Variants in GRIK3 observed in about 807,000 individuals in gnomAD.
The protein encoded by GRIK3 is glutamate ionotropic receptor kainate type subunit 3.
In GRIK3, 29 loss-of-function variants were observed where a neutral mutation model predicts 102.5. That is an observed-to-expected ratio of 0.28 (90% CI 0.21 to 0.39). The LOEUF is 0.39. GRIK3 is among the 10% of genes least tolerant of loss of function. The probability of loss-of-function intolerance (pLI) is 1.00; values close to 1 mark genes in which losing one functional copy is unlikely to be tolerated. For missense variants in GRIK3, 908 were observed against 1,252.4 expected (o/e 0.73, Z 4.15); for synonymous variants, 511 against 504.9 (o/e 1.01, Z -0.16).
rs144914785 is a variant in GRIK3, at chr1:36,825,538, G to A, written c.1754+65C>T. 6.9e-5 allele frequency: 75 copies of A among 1,083,584 alleles called. 1 individual carries two copies. The African/African-American group carries it at 1.1e-3, about 16-fold the overall frequency. 67.1% of individuals were successfully genotyped at this position (1,083,584 alleles called of 1,614,324 possible). On this transcript the variant is annotated intron_variant, in intron 11 of 15. Transcript: ENST00000373091. Reference sequence around the variant, plus strand: ...TTTCTGTGCCAGGGGCTGAGGAGATGAGGACCTGCCTAACCCCTAGACCTT... The same window carrying A: ...TTTCTGTGCCAGGGGCTGAGGAGATAAGGACCTGCCTAACCCCTAGACCTT...
intron 7 of GRIK3, 27 bp downstream of exon 7, chr1:36,859,081 C>A (rs1274469613): frequency 1.9e-6 from 3 of 1,573,592 alleles, no homozygotes; most frequent in Admixed American, 3.5e-5. Flanking sequence ...GGGGAGACAA[C>A]ACTGGTGGGG....
chr1:36,876,701 C>T (rs1454440063), intron 3 of GRIK3, among the ~76,000 whole-genome samples: 1 of 152,182 alleles, frequency 6.6e-6, no homozygotes, highest in African/African-American at 2.4e-5. Context: ...GTTTGATGAC[C>T]CATACATTGT....
intron 1 of GRIK3, among the ~76,000 whole-genome samples, chr1:36,986,826 G>A (rs1159705770): frequency 6.6e-6 from 1 of 152,186 alleles, no homozygotes; most frequent in Non-Finnish European, 1.5e-5. Flanking sequence ...ACTTACCTTA[G>A]AGGTGTCTTG....
intron 7 of GRIK3, among the ~76,000 whole-genome samples, chr1:36,854,897 C>T (rs533185793): frequency 7.9e-5 from 12 of 152,180 alleles, no homozygotes; most frequent in Non-Finnish European, 1.3e-4. Context: ...GGCCATGGGT[C>T]GCCCAAGCTC....
At chr1:36,998,834 C>A (rs977507679) in intron 1 of GRIK3, among the ~76,000 whole-genome samples, 3 of 152,186 alleles carry the variant, frequency 2.0e-5, no homozygotes, top group Admixed American at 6.5e-5. Flanking sequence ...GTCCCCAGAA[C>A]CACTGAAGGG....
chr1:36,926,448 C>G (rs1215820144), intron 1 of GRIK3, among the ~76,000 whole-genome samples: 1 of 151,356 alleles, frequency 6.6e-6, no homozygotes, highest in Admixed American at 6.6e-5. Context: ...TGGAGTGCAA[C>G]AGTATGATCT....
At chr1:36,852,024 G>C (rs1180612964) in intron 8 of GRIK3, among the ~76,000 whole-genome samples, 1 of 152,210 alleles carries the variant, frequency 6.6e-6, no homozygotes, top group Non-Finnish European at 1.5e-5. Context: ...AGCACTGCCA[G>C]AGGAGGAAGG....
chr1:37,026,748 T>C (rs542528288), intron 1 of GRIK3, among the ~76,000 whole-genome samples: 4 of 152,022 alleles, frequency 2.6e-5, no homozygotes, highest in Non-Finnish European at 5.9e-5. Flanking sequence ...ACACAGCAAG[T>C]ACACATTGGA....
intron 1 of GRIK3, among the ~76,000 whole-genome samples, chr1:36,944,667 C>T (rs1254411948): frequency 6.6e-6 from 1 of 152,160 alleles, no homozygotes; most frequent in Non-Finnish European, 1.5e-5. Flanking sequence ...CCTCAGTCCT[C>T]CACCGCACCC....
intron 1 of GRIK3, among the ~76,000 whole-genome samples, chr1:36,895,024 C>T (rs1275808512): frequency 6.6e-6 from 1 of 152,180 alleles, no homozygotes; most frequent in Middle Eastern, 3.2e-3. Context: ...GCCATCCTAT[C>T]CCTTCTACAC....
Position 36,890,902 on chromosome 1 carries a change from C to G in GRIK3, c.292+18G>C. The G allele has an allele frequency of 6.3e-7, 1 of 1,587,088 alleles. No individual in the cohort carries two copies. Among genetic ancestry groups the G allele is most frequent in the Non-Finnish European group, 8.6e-7 (1 of 1,162,496 alleles). On this transcript the variant is annotated intron_variant, in intron 2 of 15. Transcript: ENST00000373091. ...CCCCAGGCTGGGAAGAGAACAGAGG[C>G]AGGAGCTGCACACTCACCCTTTTTG...
intron 1 of GRIK3, among the ~76,000 whole-genome samples, chr1:36,986,076 G>T (rs1228784693): frequency 6.6e-6 from 1 of 152,038 alleles, no homozygotes; most frequent in Non-Finnish European, 1.5e-5. Context: ...AAGAAGAAGG[G>T]ACCCCACCCT....
chr1:36,833,851 A>G (rs1640340833), intron 10 of GRIK3, among the ~76,000 whole-genome samples: 1 of 152,154 alleles, frequency 6.6e-6, no homozygotes, highest in South Asian at 2.1e-4. Flanking sequence ...TTTCTGCTGC[A>G]TAACCAGTTG....
At chr1:36,807,086 A>G (rs1327646192) in intron 13 of GRIK3, among the ~76,000 whole-genome samples, 1 of 152,116 alleles carries the variant, frequency 6.6e-6, no homozygotes, top group Non-Finnish European at 1.5e-5. Context: ...CAGTCAGGGT[A>G]GGTGGTCTGC....
chr1:36,822,645 T>C (rs1368629699), intron 11 of GRIK3, among the ~76,000 whole-genome samples: 1 of 152,134 alleles, frequency 6.6e-6, no homozygotes, highest in East Asian at 1.9e-4. Context: ...CTACACTCCA[T>C]CCCCAGCTGG....
chr1:36,829,524 C>A (rs1477783259), intron 10 of GRIK3, among the ~76,000 whole-genome samples: 1 of 152,044 alleles, frequency 6.6e-6, no homozygotes, highest in Admixed American at 6.5e-5. Flanking sequence ...TTGTGCAACA[C>A]TTTCATTGGT....
Position 36,850,432 on chromosome 1 carries a change from GAC to G in GRIK3, c.1213-10_1213-9del. The G allele has an allele frequency of 6.4e-7, 1 of 1,564,698 alleles. No homozygotes were observed. The highest frequency in any genetic ancestry group is 8.8e-7 in the Non-Finnish European group (1 of 1,134,968). On this transcript the variant is annotated splice_polypyrimidine_tract_variant and intron_variant, in intron 8 of 15. Transcript: ENST00000373091. This position sits in a 1 kb window ranked among gnomAD's most constrained non-coding sequence, Gnocchi z 4.0. ...AGGACTCCACACCCCAACCTGGATG[GAC>G]ACAGACAGAAAACAGGGTGCCGAGT...
chr1:36,819,562 G>A lies in GRIK3; in HGVS notation c.1873+174C>T, dbSNP rs1642674287. On this transcript the variant is annotated intron_variant, in intron 12 of 15. Coordinates refer to ENST00000373091, the MANE Select transcript of GRIK3 (RefSeq NM_000831.4). The surrounding 1 kb of genome is among the most constrained non-coding windows in gnomAD (Gnocchi z 4.1). ...GCCAGAGTGAAGGTGGAAGTTAGGG[G>A]TCTGGGGCAAGGGCACACACCTGGG... is the stretch of plus-strand genomic sequence containing the variant. Among the ~76,000 whole-genome samples, 1 of 152,240 alleles carries A rather than the reference G, an allele frequency of 6.6e-6. No homozygotes were observed. The highest frequency in any genetic ancestry group is 1.9e-4 in the East Asian group (1 of 5,200).
intron 1 of GRIK3, among the ~76,000 whole-genome samples, chr1:36,995,823 C>A (rs1642413745): frequency 6.6e-6 from 1 of 152,214 alleles, no homozygotes; most frequent in Non-Finnish European, 1.5e-5. Flanking sequence ...AGGCTGCATC[C>A]TTCCCAGACC....
Sources: gnomAD v4.1 joint callset for allele counts (sites outside exome capture counted in the v4.1 genomes callset) on GRCh38, gnomAD v4.1.1 for gene constraint, Gnocchi (gnomAD v3.1) non-coding constraint, MANE v1.5 for transcripts, NCBI Gene and HGNC (gene_info 2026-07-23, HGNC 2026-07-21) for gene names.